The following CUX1 variants were observed in gnomAD, a reference collection of about 807,000 sequenced individuals.
CUX1 encodes the protein protein CASP.
In CUX1, 31 loss-of-function variants were observed where a neutral mutation model predicts 158.8. The observed-to-expected ratio is 0.20, with a 90% CI of 0.15 to 0.26. CUX1 has a LOEUF of 0.26. CUX1 is among the 10% of genes least tolerant of loss of function. The pLI, the probability that CUX1 is intolerant of heterozygous loss-of-function variation, is 1.00. For missense variants in CUX1, 1,589 were observed against 2,014.6 expected (o/e 0.79, Z 4.04); for synonymous variants, 879 against 862.1 (o/e 1.02, Z -0.34).
At chr7:101,910,818 T>A (rs932410349) in intron 1 of CUX1, among the ~76,000 whole-genome samples, 2 of 151,704 alleles carry the variant, frequency 1.3e-5, no homozygotes, top group African/African-American at 4.8e-5. Flanking sequence ...GGGAAAAAAA[T>A]TTTCCCACTA....
intron 3 of CUX1, among the ~76,000 whole-genome samples, chr7:102,031,848 C>A (rs1585345572): frequency 6.6e-6 from 1 of 152,088 alleles, no homozygotes; most frequent in East Asian, 1.9e-4. Context: ...TTACTATAGT[C>A]CTTGTTTGCA....
chr7:102,143,640 A>G (rs1455686657), intron 8 of CUX1, among the ~76,000 whole-genome samples: 1 of 152,172 alleles, frequency 6.6e-6, no homozygotes, highest in Non-Finnish European at 1.5e-5. Flanking sequence ...CATTCTTCTT[A>G]TAGAGATGTG....
At chr7:102,268,691 C>T (rs1158301427) in intron 14 of CUX1, among the ~76,000 whole-genome samples, 5 of 152,196 alleles carry the variant, frequency 3.3e-5, no homozygotes, top group Admixed American at 1.3e-4. Context: ...GTACCAGAAG[C>T]GTGGCGCTGG....
rs570504853 is a variant in CUX1, at chr7:102,206,673, C to T, written c.3130+1503C>T. ...ACACTTTGGGAGGCCGAGGTGGGTG[C>T]ATCACCTGAGGTCAGGAGTTTAAGA... On this transcript the variant is annotated intron_variant, in intron 20 of 23. Transcript: ENST00000292535. Among the ~76,000 whole-genome samples the T allele has an allele frequency of 3.3e-5, 5 of 152,188 alleles. No individual in the cohort carries two copies. The South Asian group carries it at 1.0e-3, about 32-fold the overall frequency.
At chr7:102,069,049 T>G (rs1170492498) in intron 3 of CUX1, among the ~76,000 whole-genome samples, 2 of 152,172 alleles carry the variant, frequency 1.3e-5, no homozygotes, top group African/African-American at 4.8e-5. Context: ...TCAATTCACC[T>G]GGTTCTTCTG....
intron 1 of CUX1, among the ~76,000 whole-genome samples, chr7:101,887,304 T>A (rs1054715724): frequency 1.3e-5 from 2 of 152,152 alleles, no homozygotes; most frequent in African/African-American, 2.4e-5. Flanking sequence ...TTTGAAACTT[T>A]TTTTTTCTTT....
chr7:101,887,572 G>A (rs903398301), intron 1 of CUX1, among the ~76,000 whole-genome samples: 1 of 152,132 alleles, frequency 6.6e-6, no homozygotes, highest in African/African-American at 2.4e-5. Flanking sequence ...GCCTCCCAAA[G>A]TGCTGGGATT....
intron 2 of CUX1, among the ~76,000 whole-genome samples, chr7:101,971,864 G>T (rs530181728): frequency 6.6e-6 from 1 of 152,208 alleles, no homozygotes; most frequent in South Asian, 2.1e-4. Context: ...GAAGACAAGA[G>T]AATTACAGGC....
At chr7:102,227,747 G>A in intron 21 of CUX1, 78 bp downstream of exon 21, 1 of 1,455,558 alleles carries the variant, frequency 6.9e-7, no homozygotes, top group Non-Finnish European at 9.4e-7. Context: ...CGGGCCCTAG[G>A]CCAAGCCAAC....
chr7:101,921,292 C>T (rs934604383), intron 2 of CUX1, among the ~76,000 whole-genome samples: 5 of 151,996 alleles, frequency 3.3e-5, no homozygotes, highest in African/African-American at 9.7e-5. Context: ...TGTGCCTGTA[C>T]GAGAAGGGCT....
At chr7:102,107,123 A>G (rs1291146062) in intron 6 of CUX1, among the ~76,000 whole-genome samples, 1 of 152,128 alleles carries the variant, frequency 6.6e-6, no homozygotes, top group African/African-American at 2.4e-5. Flanking sequence ...AGTCTCAGCT[A>G]CTTGGGAGGC....
chr7:101,950,724 CT>C (rs1370550137), intron 2 of CUX1, among the ~76,000 whole-genome samples: 1 of 152,076 alleles, frequency 6.6e-6, no homozygotes, highest in Non-Finnish European at 1.5e-5. Flanking sequence ...TCTTTCTTTT[CT>C]TTTTTTATAG....
chr7:101,821,564 T>TC (rs1274714367), intron 1 of CUX1, among the ~76,000 whole-genome samples: 1 of 150,926 alleles, frequency 6.6e-6, no homozygotes, highest in Non-Finnish European at 1.5e-5. Context: ...GGTCTCGATC[T>TC]CCTCACTTAG....
In CUX1 at chr7:102,181,323, A is replaced by T. The variant is rs1271814184; in HGVS notation, c.1017+2666A>T. On this transcript the variant is annotated intron_variant, in intron 11 of 23. Coordinates refer to ENST00000292535, the MANE Select transcript of CUX1 (RefSeq NM_181552.4). ...GGATTCAGTTTTTATTTCTACATTT[A>T]ATCTCATTTTCTCATGTTACAGCCA... is the stretch of plus-strand genomic sequence containing the variant. Among the ~76,000 whole-genome samples the T allele has an allele frequency of 4.6e-5, 7 of 152,114 alleles. No individual in the cohort carries two copies. In the East Asian group the frequency reaches 1.2e-3, roughly 25 times the overall value.
intron 8 of CUX1, among the ~76,000 whole-genome samples, chr7:102,122,704 T>A (rs1832180847): frequency 6.6e-6 from 1 of 152,166 alleles, no homozygotes; most frequent in African/African-American, 2.4e-5. Context: ...CCCCCAGACA[T>A]GGCTAGGAAA....
At chr7:101,822,318 A>T (rs1361612064) in intron 1 of CUX1, 1 of 152,226 alleles carries the variant, frequency 6.6e-6, no homozygotes, top group Non-Finnish European at 1.5e-5. Flanking sequence ...TTTCCTGCTG[A>T]GGACAGCTAA....
intron 4 of CUX1, among the ~76,000 whole-genome samples, chr7:102,089,071 C>T (rs1474580521): frequency 2.6e-5 from 4 of 151,922 alleles, no homozygotes; most frequent in African/African-American, 7.3e-5. Flanking sequence ...GTTTCTGTGA[C>T]TATATCTTTA....
intron 8 of CUX1, among the ~76,000 whole-genome samples, chr7:102,138,969 G>A (rs1389332886): frequency 7.2e-5 from 11 of 152,156 alleles, no homozygotes; most frequent in African/African-American, 2.2e-4. Flanking sequence ...GCTTGGCCGG[G>A]CATTGTGGGT....
At chr7:101,900,979 T>C (rs1802081121) in intron 1 of CUX1, among the ~76,000 whole-genome samples, 1 of 152,208 alleles carries the variant, frequency 6.6e-6, no homozygotes. Flanking sequence ...TTTTTTAACT[T>C]AGAAGAGTAT....
Sources: gnomAD v4.1 joint callset for allele counts (sites outside exome capture counted in the v4.1 genomes callset) on GRCh38, gnomAD v4.1.1 for gene constraint, MANE v1.5 for transcripts, NCBI Gene and HGNC (gene_info 2026-07-23, HGNC 2026-07-21) for gene names.